Variants in PPP3CB observed in about 807,000 individuals in gnomAD.
PPP3CB encodes protein phosphatase 3 catalytic subunit beta.
PPP3CB carries 8 observed loss-of-function variants against 66.4 expected under a neutral mutation model. The observed-to-expected ratio is 0.12, with a 90% CI of 0.07 to 0.22. The LOEUF (loss-of-function observed/expected upper bound fraction) is 0.22, where lower values mean the gene tolerates loss of function less well. Among genes scored for constraint, PPP3CB ranks in the 10% least tolerant of loss-of-function variants. The probability of loss-of-function intolerance (pLI) is 1.00; values close to 1 mark genes in which losing one functional copy is unlikely to be tolerated. For missense variants in PPP3CB, 319 were observed against 642.5 expected (o/e 0.50, Z 5.44); for synonymous variants, 208 against 221.2 (o/e 0.94, Z 0.53).
intron 9 of PPP3CB, among the ~76,000 whole-genome samples, chr10:73,455,812 C>T (rs1481683134): frequency 6.6e-6 from 1 of 152,158 alleles, no homozygotes; most frequent in Non-Finnish European, 1.5e-5. Flanking sequence ...CCTCGTGATC[C>T]GCCCACCTTG....
At chr10:73,447,030 G>A (rs2056268124) in intron 10 of PPP3CB, among the ~76,000 whole-genome samples, 1 of 152,188 alleles carries the variant, frequency 6.6e-6, no homozygotes, top group South Asian at 2.1e-4. Flanking sequence ...TATTTGACAT[G>A]CAGGCTGACA....
intron 9 of PPP3CB, among the ~76,000 whole-genome samples, chr10:73,465,275 T>C (rs906137234): frequency 1.3e-5 from 2 of 152,172 alleles, no homozygotes; most frequent in Admixed American, 6.5e-5. Flanking sequence ...TGGGGTGCAG[T>C]GGCTATTCAG....
At chr10:73,445,713 G>A (rs7073970) in intron 11 of PPP3CB, among the ~76,000 whole-genome samples, 28,383 of 150,394 alleles carry the variant, frequency 0.19, 4,829 homozygotes, top group African/African-American at 0.45. Context: ...GATTACAGGC[G>A]TGAGCCACTG....
At chr10:73,446,344 C>A (rs893810716) in intron 11 of PPP3CB, 148 bp downstream of exon 11, 37 of 702,530 alleles carry the variant, frequency 5.3e-5, no homozygotes, top group Non-Finnish European at 8.0e-5. Context: ...AGGTGATCCG[C>A]CCGCCTTGGC....
At position 73,470,662 on chromosome 10, in the gene PPP3CB, AT is replaced by A. The variant is rs757905519; in HGVS notation, c.982+24del. Reference sequence around the variant, plus strand: ...AATTAAAATACTAAGTTGTTTAACAATTTTTTTTATCAACAATATCTTACCT... The same window carrying A: ...AATTAAAATACTAAGTTGTTTAACAATTTTTTTATCAACAATATCTTACCT... On this transcript the variant is annotated intron_variant, in intron 8 of 13. Coordinates refer to ENST00000360663, the MANE Select transcript of PPP3CB (RefSeq NM_021132.4). The A allele has an allele frequency of 6.4e-5, 90 of 1,409,514 alleles. 1 individual carries two copies. The highest frequency in any genetic ancestry group is 4.9e-4 in the South Asian group (36 of 73,138). 87.3% of individuals were successfully genotyped at this position (1,409,514 alleles called of 1,614,324 possible). A position where few individuals can be genotyped will look rare whatever the true frequency, so the allele number is the denominator to read the frequency against.
At chr10:73,482,746 T>A (rs932071735) in intron 1 of PPP3CB, among the ~76,000 whole-genome samples, 5 of 151,654 alleles carry the variant, frequency 3.3e-5, no homozygotes, top group African/African-American at 1.2e-4. Flanking sequence ...GCCTCCCAAG[T>A]AGCTCGGATT....
At chr10:73,484,983 G>A (rs771026625) in intron 1 of PPP3CB, among the ~76,000 whole-genome samples, 6 of 151,476 alleles carry the variant, frequency 4.0e-5, no homozygotes, top group East Asian at 1.9e-4. Context: ...AACCTGGGGG[G>A]CAGAGGTTGC....
At chr10:73,461,950 G>T (rs1485147577) in intron 9 of PPP3CB, among the ~76,000 whole-genome samples, 1 of 151,992 alleles carries the variant, frequency 6.6e-6, no homozygotes, top group African/African-American at 2.4e-5. Context: ...AAATTCTTGT[G>T]AAATTTGGCT....
intron 10 of PPP3CB, among the ~76,000 whole-genome samples, chr10:73,453,086 A>G (rs1185908148): frequency 1.3e-5 from 2 of 152,254 alleles, no homozygotes; most frequent in Admixed American, 1.3e-4. Context: ...ATAATTTACT[A>G]CTATATAGCC....
At chr10:73,475,134 T>A (rs1277263638) in intron 3 of PPP3CB, 104 bp from the exon 4 acceptor site, 13 of 1,369,012 alleles carry the variant, frequency 9.5e-6, no homozygotes, top group Non-Finnish European at 1.2e-5. Flanking sequence ...TCCTCTATTA[T>A]CTTTCTTTGT....
At chr10:73,459,144 T>C (rs1315571074) in intron 9 of PPP3CB, among the ~76,000 whole-genome samples, 2 of 152,008 alleles carry the variant, frequency 1.3e-5, no homozygotes, top group Admixed American at 1.3e-4. Flanking sequence ...AGGTTAATCA[T>C]AGAGTTACAA....
chr10:73,450,895 C>T (rs896379494), intron 10 of PPP3CB, among the ~76,000 whole-genome samples: 1 of 152,038 alleles, frequency 6.6e-6, no homozygotes, highest in African/African-American at 2.4e-5. Context: ...TGATCAAATT[C>T]AATTCATCCC....
intron 9 of PPP3CB, among the ~76,000 whole-genome samples, chr10:73,455,413 T>TG (rs1211477988): frequency 1.3e-5 from 2 of 152,236 alleles, no homozygotes; most frequent in Non-Finnish European, 2.9e-5. Flanking sequence ...AGATTCTCTC[T>TG]GCATTATTAT....
intron 9 of PPP3CB, among the ~76,000 whole-genome samples, chr10:73,455,859 C>A (rs1484313241): frequency 1.3e-5 from 2 of 152,238 alleles, no homozygotes; most frequent in East Asian, 3.9e-4. Flanking sequence ...CGTGAGCCAC[C>A]GCGCCCAGCC....
At position 73,474,955 on chromosome 10, in the gene PPP3CB, T is replaced by A; in HGVS notation, c.487A>T (p.Arg163Ter). The change falls in exon 4 of 14, where the codon AGA becomes TGA. Residue 163 changes from arginine (R) to a stop codon, truncating the protein, a stop_gained. Coordinates refer to ENST00000360663, the MANE Select transcript of PPP3CB (RefSeq NM_021132.4). LOFTEE classifies it high-confidence loss of function. ...LFLLRGNHEC[R>*]HLTEYFTFKQ... ...AAGGTAAAATATTCAGTAAGGTGTC[T>A]GCATTCATGGTTGCCTCTCAGAAGA... 1 of 1,614,082 alleles carries A rather than the reference T, an allele frequency of 6.2e-7. No homozygotes were observed. Among genetic ancestry groups the A allele is most frequent in the Non-Finnish European group, 8.5e-7 (1 of 1,180,004 alleles).
chr10:73,471,467 C>G lies in PPP3CB; in HGVS notation c.669+1G>C. The G allele has an allele frequency of 6.3e-7, 1 of 1,593,790 alleles. No homozygotes were observed. Among genetic ancestry groups the G allele is most frequent in the Non-Finnish European group, 8.5e-7 (1 of 1,173,008 alleles). ...ATCTCGGAAGTAAAATATATACTTA[C>G]TCTCCTAATATCATCCAGTGTGTGT... On this transcript the variant is annotated splice_donor_variant, in intron 5 of 13. Transcript: ENST00000360663. LOFTEE classifies it high-confidence loss of function.
chr10:73,450,709 A>T (rs1480051499), intron 10 of PPP3CB, among the ~76,000 whole-genome samples: 3 of 152,216 alleles, frequency 2.0e-5, no homozygotes, highest in Non-Finnish European at 4.4e-5. Flanking sequence ...GGTGCTTAAC[A>T]ATTTTTAAAA....
chr10:73,469,386 T>C (rs1242384415), intron 8 of PPP3CB, among the ~76,000 whole-genome samples: 1 of 152,004 alleles, frequency 6.6e-6, no homozygotes, highest in Admixed American at 6.6e-5. Flanking sequence ...TATAAAAATA[T>C]AAAAATTAGC....
rs1048727750 is a variant in PPP3CB at position 73,446,404 on chromosome 10, T to C, written c.1268+88A>G. ...AGTGTGCCACCATACCCGGCCCCAT[T>C]TTGCTTTTAGATGCGGGACAATGCT... On this transcript the variant is annotated intron_variant, in intron 11 of 13. Transcript: ENST00000360663. The C allele has an allele frequency of 3.1e-6, 4 of 1,300,284 alleles. No individual in the cohort carries two copies. In the Admixed American group the frequency reaches 6.8e-5, roughly 22 times the overall value. The allele number at this position is 1,300,284 out of a possible 1,614,324, so 80.5% of individuals were successfully genotyped here.
Sources: gnomAD v4.1 joint callset for allele counts (sites outside exome capture counted in the v4.1 genomes callset) on GRCh38, gnomAD v4.1.1 for gene constraint, MANE v1.5 for transcripts, NCBI Gene and HGNC (gene_info 2026-07-23, HGNC 2026-07-21) for gene names.